The following MIIP variants were observed in gnomAD, a reference collection of about 807,000 sequenced individuals.
The protein encoded by MIIP is migration and invasion inhibitory protein.
A neutral mutation model predicts 44.8 loss-of-function variants in MIIP; 44 were observed. The observed-to-expected ratio is 0.98, with a 90% CI of 0.77 to 1.26. MIIP has a LOEUF of 1.26. Among genes scored for constraint, MIIP ranks in the 50% most tolerant of loss-of-function variants. The pLI is 0.00. For synonymous variants in MIIP, 225 were observed against 218.3 expected (o/e 1.03, Z -0.27); for missense variants, 496 against 511.7 (o/e 0.97, Z 0.30).
intron 1 of MIIP, among the ~76,000 whole-genome samples, chr1:12,020,461 C>T (rs757586091): frequency 4.6e-5 from 7 of 152,198 alleles, no homozygotes; most frequent in Admixed American, 6.5e-5. Flanking sequence ...TACTGTATAC[C>T]ACTGTAAGCA....
At chr1:12,029,186 C>T (rs1397319342) in intron 5 of MIIP, 37 bp from the exon 6 acceptor site, 1 of 1,613,452 alleles carries the variant, frequency 6.2e-7, no homozygotes, top group East Asian at 2.2e-5. Context: ...CTGAGCGGCT[C>T]CATCCCCCGG....
intron 4 of MIIP, among the ~76,000 whole-genome samples, chr1:12,028,076 G>A (rs140930852): frequency 9.9e-5 from 15 of 152,278 alleles, no homozygotes; most frequent in East Asian, 5.8e-4. Context: ...GTGTGGTGGC[G>A]CACGCCTGTA....
At chr1:12,031,079 C>G in intron 8 of MIIP, 187 bp from the exon 9 acceptor site, 1 of 676,994 alleles carries the variant, frequency 1.5e-6, no homozygotes, top group South Asian at 2.0e-5. Flanking sequence ...CTCAGGGCCC[C>G]AGGGATGGCT....
At position 12,019,930 on chromosome 1, in the gene MIIP, G is replaced by C. The variant is rs562373499; in HGVS notation, c.-83+378G>C. ...GGATCTTTGTCCTGCGGATCAAACA[G>C]TTGGCCCCTCTGGACTGCATCTCCG... On this transcript the variant is annotated intron_variant, in intron 1 of 9. Coordinates refer to ENST00000235332, the MANE Select transcript of MIIP (RefSeq NM_021933.4). Among the ~76,000 whole-genome samples the C allele has an allele frequency of 2.8e-3, 429 of 152,372 alleles. 2 individuals carry two copies. The highest frequency in any genetic ancestry group is 1.0e-2 in the African/African-American group (414 of 41,580).
At chr1:12,029,327 G>A (rs1288251995) in intron 6 of MIIP, 46 bp downstream of exon 6, 5 of 1,574,668 alleles carry the variant, frequency 3.2e-6, no homozygotes, top group African/African-American at 1.4e-5. Context: ...CCAGCCTCGC[G>A]CTGCCCTGGC....
rs75223823 is a variant in MIIP, at chr1:12,028,202, G to C, written c.548-831G>C. On this transcript the variant is annotated intron_variant, in intron 4 of 9. Coordinates refer to ENST00000235332, the MANE Select transcript of MIIP (RefSeq NM_021933.4). ...ACCCTGGGCAACACGGTGAGATTCT[G>C]TCTCAAAAAATAAAAAAAGAAACAT... is the stretch of plus-strand genomic sequence containing the variant. 1.6e-3 allele frequency among the ~76,000 whole-genome samples: 244 copies of C among 152,282 alleles called. 6 individuals carry two copies. The East Asian group carries it at 0.041, about 26-fold the overall frequency.
At position 12,021,951 on chromosome 1, in the gene MIIP, C is replaced by T. The variant is rs910503971; in HGVS notation, c.114+111C>T. The T allele has an allele frequency of 4.1e-6, 5 of 1,223,976 alleles. No individual in the cohort carries two copies. In the Admixed American group the frequency reaches 1.2e-4, roughly 29 times the overall value. The allele number at this position is 1,223,976 out of a possible 1,614,324, so 75.8% of individuals were successfully genotyped here. A position where few individuals can be genotyped will look rare whatever the true frequency, so the allele number is the denominator to read the frequency against. ...TACACCCATTTTACTGATGATGGGA[C>T]ATTGAGGGCTGGGGAGGGAAGAGAC... On this transcript the variant is annotated intron_variant, in intron 2 of 9. Coordinates refer to ENST00000235332, the MANE Select transcript of MIIP (RefSeq NM_021933.4).
At chr1:12,021,419 CA>C (rs981766685) in intron 1 of MIIP, among the ~76,000 whole-genome samples, 2 of 149,956 alleles carry the variant, frequency 1.3e-5, no homozygotes, top group South Asian at 2.1e-4. Context: ...AAAAACAAAA[CA>C]AAAAAAAATG....
At chr1:12,020,296 C>A (rs1008229686) in intron 1 of MIIP, among the ~76,000 whole-genome samples, 1 of 152,158 alleles carries the variant, frequency 6.6e-6, no homozygotes, top group Non-Finnish European at 1.5e-5. Context: ...GAGGAAGAAT[C>A]CCTTTTGAAG....
intron 3 of MIIP, 58 bp downstream of exon 3, chr1:12,022,500 C>T: frequency 7.4e-7 from 1 of 1,347,750 alleles, no homozygotes; most frequent in East Asian, 2.5e-5. Flanking sequence ...GCCTCAGTTT[C>T]CCTATCTGAC....
chr1:12,026,152 A>T lies in MIIP; in HGVS notation c.548-2881A>T, dbSNP rs185652493. Among the ~76,000 whole-genome samples the T allele has an allele frequency of 1.7e-4, 26 of 152,208 alleles. No homozygotes were observed. The East Asian group carries it at 4.9e-3, about 29-fold the overall frequency. On this transcript the variant is annotated intron_variant, in intron 4 of 9. Transcript: ENST00000235332. The stretch of plus-strand genomic sequence containing the variant: ...AAACTCTGTCTCTACTAAAAATACA[A>T]AAATTAGCCAGGTGTGGTGGCGGGC...
chr1:12,028,526 C>T (rs1456733604), intron 4 of MIIP, among the ~76,000 whole-genome samples: 1 of 152,162 alleles, frequency 6.6e-6, no homozygotes, highest in Non-Finnish European at 1.5e-5. Context: ...CGATGTCCTT[C>T]CTGGGAGGTC....
intron 8 of MIIP, among the ~76,000 whole-genome samples, chr1:12,030,749 T>G (rs1269133024): frequency 7.1e-6 from 1 of 141,790 alleles, no homozygotes; most frequent in Non-Finnish European, 1.5e-5. Flanking sequence ...CACTGCAGCC[T>G]GGGTGACAGA....
intron 4 of MIIP, among the ~76,000 whole-genome samples, chr1:12,025,682 C>T (rs1173705552): frequency 1.3e-5 from 2 of 152,118 alleles, no homozygotes; most frequent in Admixed American, 6.6e-5. Flanking sequence ...TGTGACCTCC[C>T]GTCTTTCTTC....
intron 8 of MIIP, among the ~76,000 whole-genome samples, 187 bp downstream of exon 8, chr1:12,030,311 G>C (rs368317909): frequency 6.6e-6 from 1 of 152,144 alleles, no homozygotes; most frequent in African/African-American, 2.4e-5. Context: ...CCCGCTCCAC[G>C]TACCCCGGTG....
intron 4 of MIIP, among the ~76,000 whole-genome samples, chr1:12,027,958 T>C (rs577259193): frequency 6.6e-6 from 1 of 152,302 alleles, no homozygotes; most frequent in African/African-American, 2.4e-5. Context: ...ACGCCTGTAA[T>C]CCCAGCACTT....
intron 9 of MIIP, 126 bp downstream of exon 9, chr1:12,031,529 GTC>G: frequency 2.6e-6 from 4 of 1,562,156 alleles, no homozygotes; most frequent in Non-Finnish European, 3.5e-6. Context: ...GCCTGGGAGT[GTC>G]TCTCTGCAGG....
chr1:12,022,514 T>C (rs1569915631), intron 3 of MIIP, 72 bp downstream of exon 3: 1 of 1,276,648 alleles, frequency 7.8e-7, no homozygotes, highest in Non-Finnish European at 1.1e-6. Context: ...ATCTGACACA[T>C]GTGCTTGTGG....
At chr1:12,028,647 G>GT in intron 4 of MIIP, 2 of 179,574 alleles carry the variant, frequency 1.1e-5, no homozygotes, top group South Asian at 1.3e-4. Flanking sequence ...CTTTCTGGCA[G>GT]GTATCAGCAT....
Sources: gnomAD v4.1 joint callset for allele counts (sites outside exome capture counted in the v4.1 genomes callset) on GRCh38, gnomAD v4.1.1 for gene constraint, MANE v1.5 for transcripts, NCBI Gene and HGNC (gene_info 2026-07-23, HGNC 2026-07-21) for gene names.